The following PCYT1B variants were observed in gnomAD, a reference collection of about 807,000 sequenced individuals.
PCYT1B encodes choline-phosphate cytidylyltransferase B.
A neutral mutation model predicts 26.4 loss-of-function variants in PCYT1B; 10 were observed. The observed-to-expected ratio is 0.38, with a 90% CI of 0.23 to 0.64. The LOEUF is 0.64. Among genes scored for constraint, PCYT1B ranks in the 30% least tolerant of loss-of-function variants. PCYT1B has a pLI of 0.56. For synonymous variants in PCYT1B, 131 were observed against 108.4 expected, an observed-to-expected ratio of 1.21 and a Z score of -1.29; for missense variants, 161 against 292.7, an observed-to-expected ratio of 0.55 and a Z score of 3.28.
At chrX:24,658,505 G>GT (rs1926969814) in intron 1 of PCYT1B, among the ~76,000 whole-genome samples, 1 of 71,429 alleles carries the variant, frequency 1.4e-5, no homozygotes, top group African/African-American at 5.2e-5. Flanking sequence ...TTGTTTCATT[G>GT]CTTTTTTTTT....
chrX:24,619,609 C>T (rs373219709), intron 1 of PCYT1B, among the ~76,000 whole-genome samples: 9 of 112,153 alleles, frequency 8.0e-5, no homozygotes, highest in East Asian at 2.8e-4. Flanking sequence ...AAGCGTGGCA[C>T]GCCATCTCCT....
chrX:24,593,411 T>C (rs1381066467), intron 3 of PCYT1B, among the ~76,000 whole-genome samples: 2 of 96,771 alleles, frequency 2.1e-5, no homozygotes, highest in Non-Finnish European at 4.1e-5. Context: ...TCCCTTTCTT[T>C]CTTTCTCTCT....
intron 1 of PCYT1B, among the ~76,000 whole-genome samples, chrX:24,671,995 C>G (rs757536553): frequency 2.7e-5 from 3 of 111,967 alleles, no homozygotes; most frequent in East Asian, 5.6e-4. Flanking sequence ...AACCTTGTCT[C>G]TATTAAAAGC....
intron 1 of PCYT1B, among the ~76,000 whole-genome samples, chrX:24,630,971 G>A (rs5986699): frequency 9.0e-6 from 1 of 111,397 alleles, no homozygotes; most frequent in African/African-American, 3.3e-5. Flanking sequence ...TGCCCAGGCT[G>A]GAGTGCAGTG....
intron 7 of PCYT1B, among the ~76,000 whole-genome samples, chrX:24,568,330 C>A (rs757551256): frequency 9.0e-6 from 1 of 111,089 alleles, no homozygotes; most frequent in Non-Finnish European, 1.9e-5. Flanking sequence ...TCCAGGAGTT[C>A]GAGATCAGCC....
In PCYT1B at chrX:24,647,047, T is replaced by C. The variant is rs763493684; in HGVS notation, c.59A>G (p.Asn20Ser). 1 of 1,210,899 alleles carries C rather than the reference T, an allele frequency of 8.3e-7. No individual in the cohort carries two copies. Among genetic ancestry groups the C allele is most frequent in the South Asian group, 1.8e-5 (1 of 56,936 alleles). ...CTCCATGGTTTCTGAGGGAGGCTCA[T>C]TGGAAAGGGATTTTGGGATACCTGT... ...SETGIPKSLSNEPPSETMEEI... is the reference protein window; with the variant it reads ...SETGIPKSLSSEPPSETMEEI... The change falls in exon 1 of 8, where the codon AAT becomes AGT. Residue 20 changes from asparagine to serine, a missense_variant. Asn to Ser is a conservative substitution (Grantham distance 46). Around this residue, in one of 4 missense-constraint regions of PCYT1B, gnomAD observed 51 missense variants for 51.0 expected, o/e 1.00. Transcript: ENST00000379144.
intron 3 of PCYT1B, among the ~76,000 whole-genome samples, chrX:24,597,156 G>A (rs1298062228): frequency 4.9e-5 from 5 of 102,645 alleles, no homozygotes; most frequent in South Asian, 9.1e-4. Flanking sequence ...ATGGAGTCTC[G>A]CTCTGTCACC....
In PCYT1B at chrX:24,560,439, A is replaced by G. The variant is rs946722604; in HGVS notation, c.*1854T>C. ...ATGAGGCCCTTGTCCCTCTCTGAAGAGCAATATTCTGGGTGGCCCTTGACT... is the reference window on the plus strand; with the variant it reads ...ATGAGGCCCTTGTCCCTCTCTGAAGGGCAATATTCTGGGTGGCCCTTGACT... On this transcript the variant is annotated 3_prime_UTR_variant, in exon 8 of 8. Coordinates refer to ENST00000379144, the MANE Select transcript of PCYT1B (RefSeq NM_004845.5). 2.7e-5 allele frequency: 3 copies of G among 111,746 alleles called. No homozygotes were observed. Among genetic ancestry groups the G allele is most frequent in the Non-Finnish European group, 5.6e-5 (3 of 53,163 alleles). 9.2% of individuals were successfully genotyped at this position (111,746 alleles called of 1,213,427 possible). A position where few individuals can be genotyped will look rare whatever the true frequency, so the allele number is the denominator to read the frequency against.
intron 1 of PCYT1B, chrX:24,672,545 A>C (rs748316669): frequency 3.4e-6 from 4 of 1,171,631 alleles, no homozygotes; most frequent in Non-Finnish European, 4.6e-6. Flanking sequence ...TAAGGCAAAA[A>C]TCAATAAGAA....
Position 24,603,099 on chromosome X carries a change from C to T in PCYT1B, c.334+4646G>A, listed in dbSNP as rs749306449. On this transcript the variant is annotated intron_variant, in intron 3 of 7. Coordinates refer to ENST00000379144, the MANE Select transcript of PCYT1B (RefSeq NM_004845.5). Reference sequence around the variant, plus strand: ...GATTACAGGCGTGAGCCACTGCACCCGGCCTGATATATAAATTTTAGACAT... The same window carrying T: ...GATTACAGGCGTGAGCCACTGCACCTGGCCTGATATATAAATTTTAGACAT... Among the ~76,000 whole-genome samples, 18 of 112,422 alleles carry T rather than the reference C, an allele frequency of 1.6e-4. No individual in the cohort carries two copies. In the Admixed American group the frequency reaches 1.7e-3, roughly 11 times the overall value.
intron 1 of PCYT1B, among the ~76,000 whole-genome samples, chrX:24,658,808 A>C (rs1188941473): frequency 3.6e-5 from 4 of 112,219 alleles, no homozygotes; most frequent in Non-Finnish European, 7.5e-5. Context: ...ATTACAATGT[A>C]GACATCTTTG....
At chrX:24,649,551 C>T (rs780036941), upstream of PCYT1B, among the ~76,000 whole-genome samples, 2 of 111,919 alleles carry the variant, frequency 1.8e-5, no homozygotes, top group African/African-American at 6.5e-5. Flanking sequence ...CACTGAGCCA[C>T]CCCTTGGTTC....
Position 24,663,919 on chromosome X carries a change from A to AAAAAC in PCYT1B, c.63+8646_63+8650dup, listed in dbSNP as rs372746345. On this transcript the variant is annotated intron_variant, in intron 1 of 7. Transcript: ENST00000379145. Reference sequence around the variant, plus strand: ...GGGTGACAGAGCGAGATTCCGTCTCAAAAACAAAACAAAACAAAACAAAAC... The same window carrying AAAAAC: ...GGGTGACAGAGCGAGATTCCGTCTCAAAAACAAAACAAAACAAAACAAAACAAAAC... Among the ~76,000 whole-genome samples, 462 of 110,874 alleles carry AAAAAC rather than the reference A, an allele frequency of 4.2e-3. 2 individuals are homozygous for AAAAAC. Among genetic ancestry groups the AAAAAC allele is most frequent in the African/African-American group, 6.7e-3 (204 of 30,351 alleles).
chrX:24,629,559 CAAAAAAAAA>C (rs1165553186), intron 1 of PCYT1B, among the ~76,000 whole-genome samples: 1 of 16,100 alleles, frequency 6.2e-5, no homozygotes, highest in African/African-American at 2.2e-4. Context: ...GACCCTGTCT[CAAAAAAAAA>C]AAAAAAAAAA....
At chrX:24,637,883 C>G (rs1456986271) in intron 1 of PCYT1B, among the ~76,000 whole-genome samples, 1 of 109,674 alleles carries the variant, frequency 9.1e-6, no homozygotes, top group Non-Finnish European at 1.9e-5. Flanking sequence ...AGTGAGACCA[C>G]TAGCCTTGCA....
chrX:24,595,622 G>T (rs755989783), intron 3 of PCYT1B, among the ~76,000 whole-genome samples: 1 of 111,464 alleles, frequency 9.0e-6, no homozygotes, highest in Non-Finnish European at 1.9e-5. Context: ...GCTCATGCCT[G>T]TAATCCCAGC....
At chrX:24,657,121 CT>C (rs1391226376) in intron 1 of PCYT1B, among the ~76,000 whole-genome samples, 2 of 111,318 alleles carry the variant, frequency 1.8e-5, no homozygotes, top group Non-Finnish European at 3.8e-5. Context: ...TTTATAAACA[CT>C]TTTATTTTCT....
Position 24,623,364 on chromosome X carries a change from C to CATATATATATATATAT in PCYT1B, c.118-4296_118-4281dup, listed in dbSNP as rs57642734. ...GGGTTTGGTTGGCACATGAGATTTA[C>CATATATATATATATAT]ATATATATATATATATATATATATA... On this transcript the variant is annotated intron_variant, in intron 1 of 7. Coordinates refer to ENST00000379144, the MANE Select transcript of PCYT1B (RefSeq NM_004845.5). Among the ~76,000 whole-genome samples the CATATATATATATATAT allele has an allele frequency of 7.8e-4, 62 of 79,651 alleles. 3 individuals carry two copies. Among genetic ancestry groups the CATATATATATATATAT allele is most frequent in the Middle Eastern group, 7.4e-3 (1 of 136 alleles). 69.2% of individuals were successfully genotyped at this position (79,651 alleles called of 115,157 possible).
chrX:24,658,641 T>C (rs1926974788), intron 1 of PCYT1B, among the ~76,000 whole-genome samples: 1 of 110,497 alleles, frequency 9.1e-6, no homozygotes, highest in African/African-American at 3.3e-5. Context: ...ATTCTCTAAG[T>C]CTCCTGCCTT....
Sources: gnomAD v4.1 joint callset for allele counts (sites outside exome capture counted in the v4.1 genomes callset) on GRCh38, gnomAD v4.1.1 for gene constraint, gnomAD v4.1.1 regional missense constraint, MANE v1.5 for transcripts, NCBI Gene and HGNC (gene_info 2026-07-23, HGNC 2026-07-21) for gene names.